CD53: variants seen among roughly 807,000 people sequenced by gnomAD.
CD53 encodes the protein CD53 molecule, also known as leukocyte surface antigen CD53.
Under a neutral mutation model 27.3 loss-of-function variants are expected in CD53, and 20 were observed. The observed-to-expected ratio is 0.73, with a 90% CI of 0.52 to 1.07. The LOEUF is 1.07. Ranked by LOEUF, CD53 falls within the 50% of genes least tolerant of loss-of-function variation. The pLI, the probability that CD53 is intolerant of heterozygous loss-of-function variation, is 0.00. For missense variants in CD53, 216 were observed against 264.0 expected (o/e 0.82, Z 1.26); for synonymous variants, 106 against 105.3 (o/e 1.01, Z -0.04).
chr1:110,892,183 C>G (rs553894196), intron 2 of CD53, among the ~76,000 whole-genome samples, 162 bp from the exon 3 acceptor site: 1 of 152,272 alleles, frequency 6.6e-6, no homozygotes, highest in South Asian at 2.1e-4. Flanking sequence ...GAGATTGCCT[C>G]TCCAATGTAA....
intron 1 of CD53, among the ~76,000 whole-genome samples, chr1:110,888,536 A>AT (rs1656721158): frequency 6.6e-6 from 1 of 152,058 alleles, no homozygotes; most frequent in African/African-American, 2.4e-5. Flanking sequence ...TATAGTCTAC[A>AT]TTTTTTAGCT....
At chr1:110,889,218 A>G (rs1159904941) in intron 1 of CD53, among the ~76,000 whole-genome samples, 1 of 152,132 alleles carries the variant, frequency 6.6e-6, no homozygotes, top group Non-Finnish European at 1.5e-5. Flanking sequence ...GCTGGGAAAC[A>G]CTCAAATTCA....
At chr1:110,878,406 G>C (rs1402308412) in intron 1 of CD53, among the ~76,000 whole-genome samples, 4 of 152,162 alleles carry the variant, frequency 2.6e-5, no homozygotes, top group Non-Finnish European at 5.9e-5. Context: ...GAATGCTCTT[G>C]TATGTAAATT....
At chr1:110,896,564 C>A in intron 5 of CD53, 89 bp from the exon 6 acceptor site, 1 of 1,230,316 alleles carries the variant, frequency 8.1e-7, no homozygotes, top group Non-Finnish European at 1.2e-6. Context: ...AGAGTCAGAT[C>A]TGAAGGGCAC....
chr1:110,895,121 G>A (rs1657008408), intron 5 of CD53, 66 bp downstream of exon 5: 1 of 1,176,438 alleles, frequency 8.5e-7, no homozygotes, highest in Non-Finnish European at 1.3e-6. Context: ...ATCCTTGGGG[G>A]CTAGTTCCTT....
chr1:110,895,282 T>C (rs1436129130), intron 5 of CD53, among the ~76,000 whole-genome samples: 2 of 152,226 alleles, frequency 1.3e-5, no homozygotes, highest in Non-Finnish European at 2.9e-5. Flanking sequence ...AATAGGTTTA[T>C]TTTCTAAGTT....
rs77243495 is a variant in CD53 at position 110,879,076 on chromosome 1, C to T, written c.-18+5828C>T. ...TGGCACACGAAACCTCTTTTTAAAACGTATGAAACAAGCAAGGGATTATTC... is the reference window on the plus strand; with the variant it reads ...TGGCACACGAAACCTCTTTTTAAAATGTATGAAACAAGCAAGGGATTATTC... On this transcript the variant is annotated intron_variant, in intron 1 of 7. Coordinates refer to ENST00000271324, the MANE Select transcript of CD53 (RefSeq NM_000560.4). 6.3e-3 allele frequency among the ~76,000 whole-genome samples: 963 copies of T among 151,936 alleles called. 12 individuals are homozygous for T. The highest frequency in any genetic ancestry group is 0.022 in the African/African-American group (899 of 41,410).
intron 1 of CD53, among the ~76,000 whole-genome samples, chr1:110,879,540 AT>A (rs1183908464): frequency 6.6e-6 from 1 of 152,210 alleles, no homozygotes; most frequent in Non-Finnish European, 1.5e-5. Flanking sequence ...ACATTAGCAT[AT>A]AACAGGTTTT....
In CD53 at chr1:110,895,002, C is replaced by T. The variant is rs771766577; in HGVS notation, c.370C>T (p.Arg124Cys). 114 of 1,613,900 alleles carry T rather than the reference C, an allele frequency of 7.1e-5. No homozygotes were observed. Among genetic ancestry groups the T allele is most frequent in the Non-Finnish European group, 9.2e-5 (109 of 1,179,936 alleles). The change falls in exon 5 of 8, where the codon CGT becomes TGT. Residue 124 changes from arginine (R) to cysteine (C), a missense_variant. By Grantham distance (180) the Arg-to-Cys change is radical. Transcript: ENST00000271324. Reference protein sequence around the residue: ...VAKGLTDSIHRYHSDNSTKAA... With the variant: ...VAKGLTDSIHCYHSDNSTKAA... ...TAAGGGTCTGACCGACAGCATCCAC[C>T]GTTACCACTCAGACAATAGCACCAA...
chr1:110,895,744 T>C (rs537860480), intron 5 of CD53, among the ~76,000 whole-genome samples: 1 of 152,290 alleles, frequency 6.6e-6, no homozygotes, highest in East Asian at 1.9e-4. Context: ...TATTACATAA[T>C]TTTTAGAAAT....
chr1:110,875,142 C>T (rs531032287), intron 1 of CD53, among the ~76,000 whole-genome samples: 1 of 152,294 alleles, frequency 6.6e-6, no homozygotes, highest in South Asian at 2.1e-4. Context: ...GCTATGGAGA[C>T]ATTCTAGACC....
chr1:110,876,846 C>T (rs1252328860), intron 1 of CD53, among the ~76,000 whole-genome samples: 1 of 152,022 alleles, frequency 6.6e-6, no homozygotes, highest in East Asian at 1.9e-4. Context: ...TCCTTTTCAC[C>T]CAGATTTCCA....
intron 5 of CD53, among the ~76,000 whole-genome samples, chr1:110,895,787 C>T (rs1183974417): frequency 6.6e-6 from 1 of 152,026 alleles, no homozygotes; most frequent in African/African-American, 2.4e-5. Flanking sequence ...AATGAATCTC[C>T]CAACTCTTCA....
At chr1:110,887,285 C>A (rs923939369) in intron 1 of CD53, among the ~76,000 whole-genome samples, 1 of 152,052 alleles carries the variant, frequency 6.6e-6, no homozygotes, top group African/African-American at 2.4e-5. Context: ...AGGATCGTCT[C>A]GATCTCCTGA....
intron 1 of CD53, among the ~76,000 whole-genome samples, chr1:110,882,942 T>G (rs1345399429): frequency 6.6e-6 from 1 of 152,086 alleles, no homozygotes. Context: ...ACTTGTTAGT[T>G]CTAGTAGTAT....
chr1:110,874,886 C>T (rs1656065496), intron 1 of CD53, among the ~76,000 whole-genome samples: 1 of 152,190 alleles, frequency 6.6e-6, no homozygotes, highest in Admixed American at 6.5e-5. Flanking sequence ...GTTCTCCTTT[C>T]CCACTCCTAC....
intron 1 of CD53, among the ~76,000 whole-genome samples, chr1:110,883,128 C>T (rs1187649495): frequency 6.6e-6 from 1 of 151,886 alleles, no homozygotes; most frequent in Non-Finnish European, 1.5e-5. Context: ...GACTTATTTT[C>T]CTCCTTATAT....
chr1:110,897,063 A>G (rs1001973688), intron 6 of CD53, among the ~76,000 whole-genome samples: 6 of 152,212 alleles, frequency 3.9e-5, no homozygotes, highest in Non-Finnish European at 7.3e-5. Context: ...AGTGAAATGT[A>G]TAGGGTTGAG....
At position 110,896,673 on chromosome 1, in the gene CD53, TG is replaced by T; in HGVS notation, c.446del (p.Gly149AlafsTer46). The T allele has an allele frequency of 1.9e-6, 3 of 1,613,608 alleles. No homozygotes were observed. The highest frequency in any genetic ancestry group is 2.5e-6 in the Non-Finnish European group (3 of 1,179,826). ...TTTAGCTGCAGTGTTGTGGTATAAA[TG>T]GCACGAGTGATTGGACCAGTGGCCC... ...QSFLQCCGINGTSDWTSGPPA... is the reference protein window; with the variant it reads ...QSFLQCCGINXTSDWTSGPPA... On this transcript the variant is annotated frameshift_variant, in exon 6 of 8. Coordinates refer to ENST00000271324, the MANE Select transcript of CD53 (RefSeq NM_000560.4). LOFTEE classifies it high-confidence loss of function.
Sources: gnomAD v4.1 joint callset for allele counts (sites outside exome capture counted in the v4.1 genomes callset) on GRCh38, gnomAD v4.1.1 for gene constraint, MANE v1.5 for transcripts, NCBI Gene and HGNC (gene_info 2026-07-23, HGNC 2026-07-21) for gene names.